The following CPNE8 variants were observed in gnomAD, a reference collection of about 807,000 sequenced individuals.
The protein encoded by CPNE8 is copine-8.
Under a neutral mutation model 81.5 loss-of-function variants are expected in CPNE8, and 45 were observed. The observed-to-expected ratio is 0.55, with a 90% CI of 0.44 to 0.71. The LOEUF is 0.71. Ranked by LOEUF, CPNE8 falls within the 30% of genes least tolerant of loss-of-function variation. CPNE8 has a pLI of 0.00. For synonymous variants in CPNE8, 252 were observed against 226.3 expected, an observed-to-expected ratio of 1.11 and a Z score of -1.02; for missense variants, 594 against 672.1, an observed-to-expected ratio of 0.88 and a Z score of 1.28.
chr12:38,753,280 C>T (rs1178766564), intron 10 of CPNE8, among the ~76,000 whole-genome samples: 1 of 151,918 alleles, frequency 6.6e-6, no homozygotes, highest in Non-Finnish European at 1.5e-5. Flanking sequence ...GGTGAAACCC[C>T]GTCTCTAATA....
chr12:38,737,274 T>C (rs1056436637), intron 10 of CPNE8, among the ~76,000 whole-genome samples: 4 of 152,074 alleles, frequency 2.6e-5, no homozygotes, highest in Non-Finnish European at 5.9e-5. Context: ...TTTTATGTCA[T>C]TGGTCAATGG....
intron 3 of CPNE8, among the ~76,000 whole-genome samples, chr12:38,855,075 A>G (rs531385600): frequency 6.6e-6 from 1 of 152,232 alleles, no homozygotes; most frequent in East Asian, 1.9e-4. Context: ...AACACAGAAA[A>G]ATCAGTAGTA....
rs149410846 is a variant in CPNE8, at chr12:38,899,087, T to C, written c.98+6350A>G. On this transcript the variant is annotated intron_variant, in intron 1 of 19. Transcript: ENST00000331366. ...AATCATACAACCCCACTTATTCCAG[T>C]AGAGAAGGAAGACCAGAGATAGTGC... Among the ~76,000 whole-genome samples the C allele has an allele frequency of 2.2e-3, 329 of 152,250 alleles. 4 individuals carry two copies. The highest frequency in any genetic ancestry group is 7.3e-3 in the African/African-American group (303 of 41,538).
chr12:38,783,191 G>C (rs912554660), intron 6 of CPNE8, among the ~76,000 whole-genome samples: 1 of 152,110 alleles, frequency 6.6e-6, no homozygotes, highest in African/African-American at 2.4e-5. Flanking sequence ...GATAAGACTG[G>C]TGGAAGGCGG....
intron 15 of CPNE8, among the ~76,000 whole-genome samples, chr12:38,688,047 C>G (rs1939574219): frequency 6.6e-6 from 1 of 152,142 alleles, no homozygotes; most frequent in African/African-American, 2.4e-5. Flanking sequence ...AAAATTAAAA[C>G]TCATTACTGA....
intron 10 of CPNE8, among the ~76,000 whole-genome samples, chr12:38,730,732 A>G (rs543518699): frequency 6.6e-6 from 1 of 151,708 alleles, no homozygotes; most frequent in East Asian, 1.9e-4. Flanking sequence ...GTCCATATCT[A>G]TGGATATATA....
At chr12:38,839,091 T>G (rs774435305) in intron 5 of CPNE8, among the ~76,000 whole-genome samples, 17 of 152,172 alleles carry the variant, frequency 1.1e-4, no homozygotes, top group Non-Finnish European at 2.1e-4. Context: ...TCTACATCTG[T>G]GTACCCAGAT....
rs1325461848 is a variant in CPNE8, at chr12:38,874,491, G to A, written c.119C>T (p.Thr40Ile). 3.7e-6 allele frequency: 6 copies of A among 1,608,646 alleles called. No homozygotes were observed. Among genetic ancestry groups the A allele is most frequent in the South Asian group, 3.3e-5 (3 of 90,316 alleles). The change falls in exon 2 of 20, where the codon ACA becomes ATA. Residue 40 changes from threonine to isoleucine, a missense_variant. By Grantham distance (89) the Thr-to-Ile change is moderately conservative (BLOSUM62 -1). Coordinates refer to ENST00000331366, the MANE Select transcript of CPNE8 (RefSeq NM_153634.3). ...CTTACTTGGATCAGATTTAGAAAAT[G>A]TGTCTCTGTCAAGAAGATTTCTGTT... ...VSCRNLLDRD[T>I]FSKSDPICVL...
intron 4 of CPNE8, among the ~76,000 whole-genome samples, chr12:38,845,997 G>A (rs544755325): frequency 1.4e-4 from 22 of 152,230 alleles, no homozygotes; most frequent in Non-Finnish European, 2.9e-4. Flanking sequence ...CATTTCAAAC[G>A]TTACACTGTT....
intron 2 of CPNE8, among the ~76,000 whole-genome samples, chr12:38,873,588 A>G (rs1284803483): frequency 6.6e-6 from 1 of 152,162 alleles, no homozygotes; most frequent in Non-Finnish European, 1.5e-5. Context: ...GAAGTGTCCC[A>G]CCCACTTGTC....
chr12:38,731,772 C>A (rs1006678053), intron 10 of CPNE8, among the ~76,000 whole-genome samples: 3 of 151,888 alleles, frequency 2.0e-5, no homozygotes, highest in Non-Finnish European at 2.9e-5. Context: ...CAAAACAGCA[C>A]TTTAGTGTTA....
chr12:38,732,074 G>C (rs890824424), intron 10 of CPNE8, among the ~76,000 whole-genome samples: 1 of 151,788 alleles, frequency 6.6e-6, no homozygotes, highest in Non-Finnish European at 1.5e-5. Flanking sequence ...TATATAAACA[G>C]AGCTCACCAC....
intron 3 of CPNE8, among the ~76,000 whole-genome samples, chr12:38,860,385 CAA>C (rs36025286): frequency 5.4e-5 from 6 of 111,274 alleles, no homozygotes; most frequent in Admixed American, 2.0e-4. Context: ...TGGCTATTAT[CAA>C]AAAAAAAAAA....
chr12:38,740,360 T>C (rs551362561), intron 10 of CPNE8, among the ~76,000 whole-genome samples: 6 of 152,310 alleles, frequency 3.9e-5, no homozygotes, highest in Admixed American at 3.3e-4. Context: ...ACATTTGACT[T>C]CCTCTTTTCC....
intron 6 of CPNE8, among the ~76,000 whole-genome samples, chr12:38,821,050 C>T (rs1361997520): frequency 1.3e-5 from 2 of 152,124 alleles, no homozygotes; most frequent in African/African-American, 2.4e-5. Context: ...TAACCACATA[C>T]AACCATCCTC....
At chr12:38,790,058 T>G (rs1420770281) in intron 6 of CPNE8, among the ~76,000 whole-genome samples, 1 of 151,712 alleles carries the variant, frequency 6.6e-6, no homozygotes, top group Non-Finnish European at 1.5e-5. Flanking sequence ...AAACTAAAGA[T>G]AGAGCTATCG....
In CPNE8 at chr12:38,767,727, CA is replaced by C. The variant is rs1003145106; in HGVS notation, c.482del (p.Leu161Ter). 6 of 1,547,396 alleles carry C rather than the reference CA, an allele frequency of 3.9e-6. No individual in the cohort carries two copies. Among genetic ancestry groups the C allele is most frequent in the Non-Finnish European group, 4.3e-6 (5 of 1,151,800 alleles). ...CCAATTTGTTCGCACAAAATTGCAT[CA>C]AAACGGCATCCTAAAAACAAAATTA... The part of the protein sequence containing the change: ...EELNCCRDAV[L>X]MQFCANKLDK... On this transcript the variant is annotated frameshift_variant, in exon 8 of 20. Transcript: ENST00000331366. LOFTEE classifies it high-confidence loss of function.
intron 6 of CPNE8, among the ~76,000 whole-genome samples, chr12:38,802,602 T>C (rs575307131): frequency 6.2e-5 from 9 of 146,108 alleles, no homozygotes; most frequent in East Asian, 2.0e-4. Context: ...AAAAGAACTA[T>C]AAAAGCAAGA....
intron 14 of CPNE8, among the ~76,000 whole-genome samples, chr12:38,694,415 G>C (rs1939749454): frequency 6.6e-6 from 1 of 152,204 alleles, no homozygotes; most frequent in African/African-American, 2.4e-5. Context: ...AGAGGCCAGA[G>C]TCAAGTCTTG....
Sources: allele counts gnomAD v4.1 joint callset (sites outside exome capture counted in the v4.1 genomes callset), GRCh38; gene constraint gnomAD v4.1.1; transcripts MANE v1.5; gene names NCBI Gene and HGNC (gene_info 2026-07-23, HGNC 2026-07-21).